Variants in XIRP2 observed in about 807,000 individuals in gnomAD.
XIRP2 encodes xin actin-binding repeat-containing protein 2.
A neutral mutation model predicts 277.0 loss-of-function variants in XIRP2; 236 were observed. That is an observed-to-expected ratio of 0.85 (90% CI 0.77 to 0.95). The LOEUF is 0.95. Ranked by LOEUF, XIRP2 falls within the 40% of genes least tolerant of loss-of-function variation. The pLI, the probability that XIRP2 is intolerant of heterozygous loss-of-function variation, is 0.00. For synonymous variants in XIRP2, 1,490 were observed against 1,416.5 expected, an observed-to-expected ratio of 1.05 and a Z score of -1.17; for missense variants, 4,640 against 4,157.5, an observed-to-expected ratio of 1.12 and a Z score of -3.19.
chr2:167,249,093 C>A lies in XIRP2; in HGVS notation c.7701C>A (p.Tyr2567Ter), dbSNP rs1050913136. The change falls in exon 9 of 11, where the codon TAC becomes TAA. Residue 2567 changes from tyrosine (Y) to a stop codon, truncating the protein, a stop_gained. Transcript: ENST00000409195. LOFTEE classifies it high-confidence loss of function. ...AAAAACAGAAACAGGAGAGTTCTTA[C>A]TACAACATTGTTAAAACTCAAAGCC... is the stretch of plus-strand genomic sequence containing the variant. The part of the protein sequence containing the change: ...EIEKQKQESS[Y>*]YNIVKTQSQN... 5.0e-6 allele frequency: 8 copies of A among 1,613,542 alleles called. No homozygotes were observed. In the African/African-American group the frequency reaches 9.4e-5, roughly 19 times the overall value.
chr2:167,199,182 A>C (rs956085717), intron 3 of XIRP2, among the ~76,000 whole-genome samples: 2 of 152,198 alleles, frequency 1.3e-5, no homozygotes, highest in Admixed American at 1.3e-4. Flanking sequence ...AGTTGGGATG[A>C]AGGTGAAGAG....
intron 3 of XIRP2, among the ~76,000 whole-genome samples, chr2:167,162,591 C>T (rs1213608759): frequency 6.6e-6 from 1 of 152,180 alleles, no homozygotes. Flanking sequence ...CACTGGGTCC[C>T]TCCCACAACA....
intron 2 of XIRP2, among the ~76,000 whole-genome samples, chr2:167,101,644 A>G (rs1349011899): frequency 6.6e-6 from 1 of 152,094 alleles, no homozygotes; most frequent in African/African-American, 2.4e-5. Context: ...TGCAAGTGCC[A>G]TTGTTTCATG....
chr2:166,965,418 GT>G (rs1414676767), intron 2 of XIRP2, among the ~76,000 whole-genome samples: 4 of 151,866 alleles, frequency 2.6e-5, no homozygotes, highest in Non-Finnish European at 5.9e-5. Context: ...CTCAATGACT[GT>G]GGAATTCAGT....
At chr2:167,213,099 C>T (rs1694102781) in intron 4 of XIRP2, among the ~76,000 whole-genome samples, 1 of 152,118 alleles carries the variant, frequency 6.6e-6, no homozygotes, top group Admixed American at 6.6e-5. Context: ...GTCTCAGAGT[C>T]AATCAGATGG....
At chr2:166,937,291 G>T (rs1297644495) in intron 2 of XIRP2, among the ~76,000 whole-genome samples, 1 of 152,072 alleles carries the variant, frequency 6.6e-6, no homozygotes, top group African/African-American at 2.4e-5. Flanking sequence ...GAGATTTTTA[G>T]CATGAAGGGC....
At chr2:166,917,253 A>G (rs867258399) in intron 2 of XIRP2, among the ~76,000 whole-genome samples, 4 of 152,130 alleles carry the variant, frequency 2.6e-5, no homozygotes, top group African/African-American at 4.8e-5. Flanking sequence ...TTACAATCCC[A>G]TTTTGAGATG....
intron 2 of XIRP2, among the ~76,000 whole-genome samples, chr2:167,097,717 T>G (rs57825910): frequency 0.1 from 15,790 of 152,226 alleles, 1,666 homozygotes; most frequent in African/African-American, 0.27. Flanking sequence ...TATTTGTTGC[T>G]TCCTTCAGGA....
At chr2:167,064,325 C>T (rs1429144228) in intron 2 of XIRP2, among the ~76,000 whole-genome samples, 2 of 151,784 alleles carry the variant, frequency 1.3e-5, no homozygotes, top group Non-Finnish European at 1.5e-5. Flanking sequence ...CTTTAACCTG[C>T]ACTTTGCTTT....
rs368268974 is a variant in XIRP2, at chr2:167,249,881, G to A, written c.8489G>A (p.Arg2830Gln). Residue 2830 changes from arginine to glutamine, a missense_variant, in exon 9 of 11, where the codon CGA becomes CAA. By Grantham distance (43) the Arg-to-Gln change is conservative (BLOSUM62 1). Transcript: ENST00000409195. ...AATCAGGGACCATCAATGATTGGTC[G>A]AAAAGAAGAGAGATTAATAACTGAA... ...EKNQGPSMIGRKEERLITERK... is the reference protein window; with the variant it reads ...EKNQGPSMIGQKEERLITERK... The A allele has an allele frequency of 6.2e-6, 10 of 1,613,290 alleles. No individual in the cohort carries two copies. The highest frequency in any genetic ancestry group is 1.6e-4 in the Middle Eastern group (1 of 6,082).
At chr2:167,144,626 A>G (rs1259492833) in intron 3 of XIRP2, among the ~76,000 whole-genome samples, 4 of 152,140 alleles carry the variant, frequency 2.6e-5, no homozygotes, top group Non-Finnish European at 4.4e-5. Context: ...TAGTGACGTG[A>G]TAAGACCATT....
chr2:166,996,942 T>C (rs1038816348), intron 2 of XIRP2, among the ~76,000 whole-genome samples: 3 of 152,210 alleles, frequency 2.0e-5, no homozygotes, highest in Non-Finnish European at 4.4e-5. Flanking sequence ...ATAATATTTG[T>C]CTTTGCTAGA....
chr2:167,251,098 C>T lies in XIRP2; in HGVS notation c.9706C>T (p.Pro3236Ser), dbSNP rs1311745912. 6 of 1,613,588 alleles carry T rather than the reference C, an allele frequency of 3.7e-6. No homozygotes were observed. In the East Asian group the frequency reaches 1.3e-4, roughly 36 times the overall value. The change falls in exon 9 of 11, where the codon CCT (proline) becomes TCT (serine). Residue 3236 changes from proline to serine, a missense_variant. Coordinates refer to ENST00000409195, the MANE Select transcript of XIRP2 (RefSeq NM_152381.6). ...AGAAACTCGTGGTAGGGACTCTCCA[C>T]CTACAATCACAATACCAGTAAATAT... ...KIETRGRDSP[P>S]TITIPVNINH...
At chr2:166,962,656 T>C (rs979045805) in intron 2 of XIRP2, among the ~76,000 whole-genome samples, 3 of 151,782 alleles carry the variant, frequency 2.0e-5, no homozygotes, top group African/African-American at 4.8e-5. Flanking sequence ...AATAATGCCT[T>C]GTTGAAGTTT....
intron 3 of XIRP2, among the ~76,000 whole-genome samples, chr2:167,170,894 C>CTTTTTTTTTT (rs773187641): frequency 5.4e-5 from 5 of 92,702 alleles, no homozygotes; most frequent in African/African-American, 1.4e-4. Flanking sequence ...TGCCTTTCTT[C>CTTTTTTTTTT]TTTTTTTTTT....
intron 10 of XIRP2, among the ~76,000 whole-genome samples, chr2:167,255,746 TG>T (rs1014068354): frequency 3.9e-5 from 6 of 151,958 alleles, no homozygotes; most frequent in Non-Finnish European, 7.4e-5. Flanking sequence ...ATGCTTACCT[TG>T]ATGTTTCTGC....
chr2:167,171,710 A>G (rs868516947), intron 3 of XIRP2, among the ~76,000 whole-genome samples: 6 of 150,718 alleles, frequency 4.0e-5, no homozygotes, highest in African/African-American at 1.2e-4. Flanking sequence ...TGAGTTTTTT[A>G]ATTCAAGTGT....
chr2:166,927,696 C>A (rs1157876545), intron 2 of XIRP2, among the ~76,000 whole-genome samples: 5 of 152,088 alleles, frequency 3.3e-5, no homozygotes, highest in Non-Finnish European at 7.4e-5. Context: ...GATTAGCAAC[C>A]TTAATTCCAT....
At chr2:166,913,973 A>T (rs986080968) in intron 2 of XIRP2, among the ~76,000 whole-genome samples, 1 of 152,204 alleles carries the variant, frequency 6.6e-6, no homozygotes, top group African/African-American at 2.4e-5. Flanking sequence ...TCTCCCAAAG[A>T]TATTTACATT....
Sources: gnomAD v4.1 joint callset for allele counts (sites outside exome capture counted in the v4.1 genomes callset) on GRCh38, gnomAD v4.1.1 for gene constraint, MANE v1.5 for transcripts, NCBI Gene and HGNC (gene_info 2026-07-23, HGNC 2026-07-21) for gene names.